CTNNA2: variants seen among roughly 807,000 people sequenced by gnomAD.
CTNNA2 encodes the protein catenin alpha 2.
CTNNA2 carries 42 observed loss-of-function variants against 101.0 expected under a neutral mutation model. That is an observed-to-expected ratio of 0.42 (90% CI 0.32 to 0.54). The LOEUF (loss-of-function observed/expected upper bound fraction) is 0.54. Among genes scored for constraint, CTNNA2 ranks in the 20% least tolerant of loss-of-function variants. CTNNA2 has a pLI of 0.14. For synonymous variants in CTNNA2, 450 were observed against 456.4 expected, an observed-to-expected ratio of 0.99 and a Z score of 0.18; for missense variants, 871 against 1,223.1, an observed-to-expected ratio of 0.71 and a Z score of 4.29.
chr2:79,338,578 A>ATTCTTCTTCT (rs1677053514), intron 3 of CTNNA2, among the ~76,000 whole-genome samples: 1 of 117,740 alleles, frequency 8.5e-6, no homozygotes, highest in African/African-American at 3.3e-5. Context: ...CCTCCTCATC[A>ATTCTTCTTCT]TCTTCTTCTT....
At chr2:80,136,402 C>G (rs942544094) in intron 7 of CTNNA2, among the ~76,000 whole-genome samples, 1 of 152,166 alleles carries the variant, frequency 6.6e-6, no homozygotes, top group African/African-American at 2.4e-5. Flanking sequence ...TATAGTCAAC[C>G]ATTGCCAATG....
intron 2 of CTNNA2, among the ~76,000 whole-genome samples, chr2:79,208,886 C>A (rs145388640): frequency 1.0e-3 from 156 of 152,290 alleles, no homozygotes; most frequent in African/African-American, 3.5e-3. Flanking sequence ...CCTTCTTTGA[C>A]AGAGACTAGC....
chr2:79,497,349 G>A (rs1671267934), intron 4 of CTNNA2, among the ~76,000 whole-genome samples: 1 of 152,100 alleles, frequency 6.6e-6, no homozygotes, highest in African/African-American at 2.4e-5. Flanking sequence ...TTTTGATTTT[G>A]TATTCTCAAC....
At chr2:80,644,188 C>T (rs938187282) in intron 18 of CTNNA2, among the ~76,000 whole-genome samples, 8 of 152,192 alleles carry the variant, frequency 5.3e-5, no homozygotes, top group South Asian at 4.2e-4. Flanking sequence ...CAACAACTTA[C>T]GTTACCTCCC....
At chr2:79,975,773 A>G (rs1253092677) in intron 7 of CTNNA2, among the ~76,000 whole-genome samples, 1 of 152,218 alleles carries the variant, frequency 6.6e-6, no homozygotes, top group Non-Finnish European at 1.5e-5. Context: ...GGGGAAGGGG[A>G]GTGGAGCTCC....
intron 9 of CTNNA2, among the ~76,000 whole-genome samples, chr2:80,500,954 GT>G (rs1159753771): frequency 6.6e-6 from 1 of 152,104 alleles, no homozygotes; most frequent in East Asian, 1.9e-4. Flanking sequence ...TGATTTACAG[GT>G]AAGAGGAGTG....
chr2:79,854,849 A>G (rs1418158744), intron 3 of CTNNA2, among the ~76,000 whole-genome samples: 2 of 152,182 alleles, frequency 1.3e-5, no homozygotes. Context: ...CCTCTTACAC[A>G]TGCATACTAT....
intron 18 of CTNNA2, 34 bp downstream of exon 18, chr2:80,619,262 C>T (rs754533332): frequency 9.5e-6 from 14 of 1,469,424 alleles, no homozygotes; most frequent in Middle Eastern, 1.9e-4. Context: ...TAATGTCTTT[C>T]ATTGTAATCA....
chr2:79,759,339 A>G (rs960707574), intron 3 of CTNNA2, among the ~76,000 whole-genome samples: 4 of 151,990 alleles, frequency 2.6e-5, no homozygotes, highest in African/African-American at 9.7e-5. Flanking sequence ...GTTGCAGTGA[A>G]CCAAGATCGT....
At chr2:80,591,803 A>G (rs538767948) in intron 15 of CTNNA2, among the ~76,000 whole-genome samples, 1 of 152,214 alleles carries the variant, frequency 6.6e-6, no homozygotes, top group Admixed American at 6.5e-5. Flanking sequence ...AGTAATCTCA[A>G]TGATATTCAC....
chr2:80,403,325 A>G (rs539052408), intron 8 of CTNNA2, among the ~76,000 whole-genome samples: 22 of 152,276 alleles, frequency 1.4e-4, no homozygotes, highest in Non-Finnish European at 3.1e-4. Flanking sequence ...CAAAGTCTCA[A>G]TGTCAGATGG....
intron 3 of CTNNA2, chr2:79,777,105 T>G (rs1674021825): frequency 6.6e-6 from 1 of 152,120 alleles, no homozygotes; most frequent in Non-Finnish European, 1.5e-5. Flanking sequence ...GCTGTGGAGA[T>G]TCAAGCCACA....
intron 9 of CTNNA2, among the ~76,000 whole-genome samples, chr2:80,498,422 T>C (rs1167686335): frequency 1.3e-5 from 2 of 152,238 alleles, no homozygotes; most frequent in Non-Finnish European, 2.9e-5. Flanking sequence ...CCAATTGCAA[T>C]CTCCTATGTA....
intron 2 of CTNNA2, among the ~76,000 whole-genome samples, chr2:79,228,175 T>C (rs1010474313): frequency 6.6e-6 from 1 of 152,210 alleles, no homozygotes; most frequent in Non-Finnish European, 1.5e-5. Flanking sequence ...GGCACTTAGA[T>C]TGTATGTCCT....
intron 2 of CTNNA2, among the ~76,000 whole-genome samples, chr2:79,661,370 A>G (rs533156556): frequency 6.6e-6 from 1 of 152,336 alleles, no homozygotes; most frequent in South Asian, 2.1e-4. Context: ...TCTAGTATAA[A>G]CACAGTGATT....
intron 2 of CTNNA2, among the ~76,000 whole-genome samples, chr2:79,682,410 C>CA (rs10674928): frequency 0.12 from 8,516 of 73,040 alleles, 553 homozygotes; most frequent in East Asian, 0.32. Flanking sequence ...AACTCCATCT[C>CA]AAAAAAAAAA....
chr2:80,307,863 G>A (rs1293410323), intron 7 of CTNNA2, among the ~76,000 whole-genome samples: 1 of 152,174 alleles, frequency 6.6e-6, no homozygotes, highest in Non-Finnish European at 1.5e-5. Flanking sequence ...CCAGTTTGGG[G>A]TAAGAAATGA....
In CTNNA2 at chr2:80,302,808, C is replaced by T. The variant is rs61734034; in HGVS notation, c.1057-90403C>T. ...TCCGGGCTGGCGCACTGCAAGTTGC[C>T]ATCGTAGCGCCCCTGGAAGTTGTTG... On this transcript the variant is annotated intron_variant, in intron 7 of 18. Transcript: ENST00000402739. This position sits in a 1 kb window ranked among gnomAD's most constrained non-coding sequence, Gnocchi z 6.4. 2.8e-3 allele frequency: 4,454 copies of T among 1,613,858 alleles called. 93 individuals are homozygous for T. In the African/African-American group the frequency reaches 0.045, roughly 16 times the overall value.
intron 1 of CTNNA2, among the ~76,000 whole-genome samples, chr2:79,540,452 C>G (rs1363987922): frequency 6.6e-6 from 1 of 152,204 alleles, no homozygotes; most frequent in African/African-American, 2.4e-5. Context: ...AGAAGAGAAG[C>G]AGAGTTTTGC....
Sources: allele counts gnomAD v4.1 joint callset (sites outside exome capture counted in the v4.1 genomes callset), GRCh38; gene constraint gnomAD v4.1.1; non-coding constraint Gnocchi (gnomAD v3.1); transcripts MANE v1.5; gene names NCBI Gene and HGNC (gene_info 2026-07-23, HGNC 2026-07-21).